NF1: variants seen among roughly 807,000 people sequenced by gnomAD.
NF1 encodes the protein neurofibromin 1.
Under a neutral mutation model 325.7 loss-of-function variants are expected in NF1, and 122 were observed. The ratio of observed to expected loss-of-function variants is 0.37; its 90% CI spans 0.32 to 0.44. The LOEUF is 0.44. Among genes scored for constraint, NF1 ranks in the 20% least tolerant of loss-of-function variants. NF1 has a pLI of 1.00. For missense variants in NF1, 2,140 were observed against 3,415.4 expected, an observed-to-expected ratio of 0.63 and a Z score of 9.31; for synonymous variants, 1,091 against 1,186.0, an observed-to-expected ratio of 0.92 and a Z score of 1.65.
intron 16 of NF1, among the ~76,000 whole-genome samples, chr17:31,224,459 G>A (rs2066978681): frequency 6.6e-6 from 1 of 152,128 alleles, no homozygotes; most frequent in Non-Finnish European, 1.5e-5. Flanking sequence ...TAGACTAATG[G>A]TGAAGTGGGT....
chr17:31,347,477 CAT>C (rs1200838682), intron 48 of NF1, among the ~76,000 whole-genome samples: 1 of 152,140 alleles, frequency 6.6e-6, no homozygotes, highest in East Asian at 1.9e-4. Context: ...TTCATTATAA[CAT>C]ATCGATAAAC....
chr17:31,164,900 G>A (rs1278824486), intron 4 of NF1, among the ~76,000 whole-genome samples: 1 of 152,218 alleles, frequency 6.6e-6, no homozygotes, highest in South Asian at 2.1e-4. Flanking sequence ...GAGCAGTAAC[G>A]TTTTATATTA....
intron 1 of NF1, among the ~76,000 whole-genome samples, chr17:31,144,356 T>A (rs1916441438): frequency 1.3e-5 from 2 of 152,190 alleles, no homozygotes; most frequent in Admixed American, 1.3e-4. Context: ...TAAATCAGAT[T>A]ATGTCATTCC....
At chr17:31,134,243 G>C (rs1489974155) in intron 1 of NF1, among the ~76,000 whole-genome samples, 1 of 152,100 alleles carries the variant, frequency 6.6e-6, no homozygotes, top group African/African-American at 2.4e-5. Context: ...TTGATTGTAA[G>C]TATTCAAAGT....
chr17:31,123,869 T>C (rs1450360030), intron 1 of NF1, among the ~76,000 whole-genome samples: 1 of 152,234 alleles, frequency 6.6e-6, no homozygotes, highest in Non-Finnish European at 1.5e-5. Flanking sequence ...TCCATTTTGT[T>C]CTAGAAAGCA....
At chr17:31,204,395 T>C (rs2066584324) in intron 11 of NF1, among the ~76,000 whole-genome samples, 1 of 152,102 alleles carries the variant, frequency 6.6e-6, no homozygotes, top group South Asian at 2.1e-4. Context: ...ATTATGTAAG[T>C]GTTGCCATTT....
intron 29 of NF1, among the ~76,000 whole-genome samples, chr17:31,241,412 C>T (rs1313593311): frequency 6.6e-6 from 1 of 152,118 alleles, no homozygotes; most frequent in Non-Finnish European, 1.5e-5. Context: ...GTTTTGTGGT[C>T]TTCTCTTCCT....
chr17:31,127,401 A>G (rs1914974772), intron 1 of NF1, among the ~76,000 whole-genome samples: 1 of 152,098 alleles, frequency 6.6e-6, no homozygotes, highest in Non-Finnish European at 1.5e-5. Flanking sequence ...AGAACATAAT[A>G]TGACTTTCTA....
chr17:31,100,108 A>C (rs1912179696), intron 1 of NF1, among the ~76,000 whole-genome samples: 1 of 152,206 alleles, frequency 6.6e-6, no homozygotes, highest in Non-Finnish European at 1.5e-5. Flanking sequence ...CTGATCAAGC[A>C]AAAGTAGTAC....
At chr17:31,201,737 A>G (rs2066534617) in intron 11 of NF1, among the ~76,000 whole-genome samples, 1 of 152,178 alleles carries the variant, frequency 6.6e-6, no homozygotes, top group Non-Finnish European at 1.5e-5. Flanking sequence ...GATTAAATCT[A>G]AAACGTTTTA....
chr17:31,192,513 G>A (rs2066363790), intron 8 of NF1, among the ~76,000 whole-genome samples: 1 of 152,190 alleles, frequency 6.6e-6, no homozygotes, highest in Non-Finnish European at 1.5e-5. Context: ...GGATTGTGGA[G>A]ACCAGATTTT....
intron 5 of NF1, among the ~76,000 whole-genome samples, chr17:31,175,912 C>T (rs2066014480): frequency 6.6e-6 from 1 of 152,138 alleles, no homozygotes; most frequent in African/African-American, 2.4e-5. Flanking sequence ...TTTCTTTATC[C>T]AGTCTATCAT....
chr17:31,328,608 G>A (rs1333523614), intron 38 of NF1, among the ~76,000 whole-genome samples: 1 of 151,944 alleles, frequency 6.6e-6, no homozygotes, highest in Non-Finnish European at 1.5e-5. Flanking sequence ...TTCCCTCCCT[G>A]CCAGCATCTC....
chr17:31,137,552 C>A (rs1915868625), intron 1 of NF1: 1 of 152,028 alleles, frequency 6.6e-6, no homozygotes, highest in South Asian at 2.1e-4. Context: ...GGATTTCCTC[C>A]CATGCTAGTG....
intron 31 of NF1, among the ~76,000 whole-genome samples, chr17:31,254,646 T>C (rs968082190): frequency 3.9e-5 from 6 of 152,198 alleles, no homozygotes; most frequent in African/African-American, 1.4e-4. Flanking sequence ...TCAGGCTTTC[T>C]GTGTTTCTCT....
At chr17:31,108,275 T>G (rs1913064092) in intron 1 of NF1, among the ~76,000 whole-genome samples, 1 of 137,940 alleles carries the variant, frequency 7.2e-6, no homozygotes. Context: ...TTTTTTTTTT[T>G]TTTTTTTTTT....
intron 1 of NF1, among the ~76,000 whole-genome samples, chr17:31,149,324 A>G (rs1916779727): frequency 6.6e-6 from 1 of 152,002 alleles, no homozygotes; most frequent in African/African-American, 2.4e-5. Context: ...ATTTTTTGAG[A>G]CAGAGTCTTG....
At chr17:31,241,117 A>G (rs1052826537) in intron 29 of NF1, among the ~76,000 whole-genome samples, 3 of 152,164 alleles carry the variant, frequency 2.0e-5, no homozygotes, top group African/African-American at 2.4e-5. Context: ...ACCTCAAGCA[A>G]TCCACCCGCC....
At chr17:31,361,257 CCATAAG>C (rs971695019) in intron 57 of NF1, 1 of 155,090 alleles carries the variant, frequency 6.4e-6, no homozygotes, top group Non-Finnish European at 1.4e-5. Flanking sequence ...ATCTTAAAGC[CCATAAG>C]CATATATATA....
Sources: gnomAD v4.1 joint callset for allele counts (sites outside exome capture counted in the v4.1 genomes callset) on GRCh38, gnomAD v4.1.1 for gene constraint, MANE v1.5 for transcripts, NCBI Gene and HGNC (gene_info 2026-07-23, HGNC 2026-07-21) for gene names.